Variants in SLCO1A2 observed in about 807,000 individuals in gnomAD.
The protein encoded by SLCO1A2 is solute carrier organic anion transporter family member 1A2.
In SLCO1A2, 67 loss-of-function variants were observed where a neutral mutation model predicts 69.0. The observed-to-expected ratio is 0.97, with a 90% CI of 0.80 to 1.19. The LOEUF (loss-of-function observed/expected upper bound fraction) is 1.19, where lower values mean the gene tolerates loss of function less well. SLCO1A2 is among the 50% of genes most tolerant of loss of function. The pLI is 0.00. For synonymous variants in SLCO1A2, 260 were observed against 265.9 expected (o/e 0.98, Z 0.22); for missense variants, 787 against 793.7 (o/e 0.99, Z 0.10).
chr12:21,335,593 G>A (rs975465377), upstream of SLCO1A2, among the ~76,000 whole-genome samples: 4 of 151,984 alleles, frequency 2.6e-5, no homozygotes, highest in Non-Finnish European at 4.4e-5. Flanking sequence ...CTAGTTTCTA[G>A]AATGATTTCT....
chr12:21,295,701 G>C lies in SLCO1A2; in HGVS notation c.1167C>G (p.His389Gln). 6.2e-7 allele frequency: 1 copy of C among 1,608,270 alleles called. No individual in the cohort carries two copies. Among genetic ancestry groups the C allele is most frequent in the Non-Finnish European group, 8.5e-7 (1 of 1,174,904 alleles). ...KFKITVKQAAHIGCWLSLLEY... is the reference protein window; with the variant it reads ...KFKITVKQAAQIGCWLSLLEY... Reference sequence around the variant, plus strand: ...CAAGTAAGGATAACCAACATCCTATGTGGGCAGCTTGTTTGACAGTAATCT... The same window carrying C: ...CAAGTAAGGATAACCAACATCCTATCTGGGCAGCTTGTTTGACAGTAATCT... Residue 389 changes from histidine (H) to glutamine (Q), a missense_variant, in exon 10 of 15, where the codon CAC (histidine) becomes CAG (glutamine). Transcript: ENST00000683939.
intron 2 of SLCO1A2, among the ~76,000 whole-genome samples, chr12:21,357,125 C>T (rs147712903): frequency 6.6e-6 from 1 of 152,230 alleles, no homozygotes; most frequent in East Asian, 1.9e-4. Flanking sequence ...TGAACTGTGT[C>T]CCTGCAAAAT....
intron 2 of SLCO1A2, chr12:21,373,749 A>G (rs1939979168): frequency 2.9e-6 from 2 of 696,254 alleles, no homozygotes; most frequent in Middle Eastern, 2.3e-4. Flanking sequence ...AATTTCTTCT[A>G]TATTAACCTG....
chr12:21,403,865 C>T (rs1043529091), intron 1 of SLCO1A2, among the ~76,000 whole-genome samples: 9 of 151,966 alleles, frequency 5.9e-5, no homozygotes, highest in African/African-American at 2.2e-4. Context: ...GTGATTAAGG[C>T]ACCTTTAACA....
At chr12:21,347,206 C>A (rs1342327287) in intron 2 of SLCO1A2, among the ~76,000 whole-genome samples, 2 of 152,094 alleles carry the variant, frequency 1.3e-5, no homozygotes, top group African/African-American at 4.8e-5. Context: ...AAGTTCTGGA[C>A]AAAAATGTTG....
chr12:21,362,985 A>G (rs1180687497), intron 2 of SLCO1A2, among the ~76,000 whole-genome samples: 1 of 152,192 alleles, frequency 6.6e-6, no homozygotes, highest in Admixed American at 6.5e-5. Context: ...AGACAGATCA[A>G]CAAGACAGAA....
intron 2 of SLCO1A2, among the ~76,000 whole-genome samples, chr12:21,346,945 G>A (rs1244093861): frequency 6.6e-6 from 1 of 150,842 alleles, no homozygotes; most frequent in African/African-American, 2.4e-5. Flanking sequence ...ACATGACTGA[G>A]TCTATGTTCG....
chr12:21,347,697 G>GAAGGAAGGAAGGAAGGAAGA (rs1239524287), intron 2 of SLCO1A2, among the ~76,000 whole-genome samples: 27 of 117,818 alleles, frequency 2.3e-4, no homozygotes, highest in African/African-American at 1.0e-3. Context: ...AGGAAGGAAG[G>GAAGGAAGGAAGGAAGGAAGA]AAGAAGGAAA....
intron 2 of SLCO1A2, among the ~76,000 whole-genome samples, chr12:21,350,748 A>G (rs887601305): frequency 1.3e-5 from 2 of 148,512 alleles, no homozygotes; most frequent in African/African-American, 5.0e-5. Context: ...GAGGCAGGGG[A>G]ATCACTTGAA....
intron 2 of SLCO1A2, among the ~76,000 whole-genome samples, chr12:21,333,522 T>G (rs978346670): frequency 6.6e-6 from 1 of 152,126 alleles, no homozygotes; most frequent in Non-Finnish European, 1.5e-5. Context: ...AACTTGCTAT[T>G]AAGCAATTGC....
chr12:21,362,879 A>C (rs1404337845), intron 2 of SLCO1A2, among the ~76,000 whole-genome samples: 4 of 152,228 alleles, frequency 2.6e-5, no homozygotes, highest in African/African-American at 7.2e-5. Context: ...ATACAGGAGC[A>C]CCCAGATTCA....
At chr12:21,317,242 C>G (rs1950991737) in intron 3 of SLCO1A2, among the ~76,000 whole-genome samples, 1 of 152,164 alleles carries the variant, frequency 6.6e-6, no homozygotes, top group Non-Finnish European at 1.5e-5. Context: ...ACACAAAGCT[C>G]TCATTAACCC....
upstream of SLCO1A2, chr12:21,334,928 T>C: frequency 3.2e-6 from 1 of 310,982 alleles, no homozygotes; most frequent in Non-Finnish European, 5.8e-6. Flanking sequence ...AGTGACTCTT[T>C]AGTGAGATTA....
At chr12:21,275,276 T>G in intron 13 of SLCO1A2, 84 bp downstream of exon 13, 1 of 1,258,470 alleles carries the variant, frequency 7.9e-7, no homozygotes, top group Non-Finnish European at 1.1e-6. Flanking sequence ...GTTGTGCACA[T>G]GTACCCTAAA....
chr12:21,352,112 T>C (rs933403717), intron 2 of SLCO1A2, among the ~76,000 whole-genome samples: 14 of 152,146 alleles, frequency 9.2e-5, no homozygotes, highest in African/African-American at 1.9e-4. Context: ...AAACACCCAA[T>C]TGCATCACCC....
exon 1 of SLCO1A2, chr12:21,417,978 T>C (rs1382766765): frequency 2.0e-5 from 3 of 152,172 alleles, no homozygotes; most frequent in African/African-American, 7.2e-5. Flanking sequence ...CAACACACCA[T>C]GGGTCTCTAT....
chr12:21,322,234 A>G (rs1020036568), intron 2 of SLCO1A2, among the ~76,000 whole-genome samples: 1 of 152,200 alleles, frequency 6.6e-6, no homozygotes, highest in African/African-American at 2.4e-5. Context: ...GCACTAACAA[A>G]TTTGGGTTGG....
chr12:21,398,444 G>A (rs368191454), upstream of SLCO1A2, among the ~76,000 whole-genome samples: 7,435 of 137,554 alleles, frequency 0.054, 437 homozygotes, highest in African/African-American at 0.098. Flanking sequence ...TCTACCAGAG[G>A]TACAAGGAGG....
rs1943455997 is a variant in SLCO1A2 at position 21,274,590 on chromosome 12, C to T, written c.1676-4G>A. 1 of 1,556,460 alleles carries T rather than the reference C, an allele frequency of 6.4e-7. No homozygotes were observed. The highest frequency in any genetic ancestry group is 8.9e-7 in the Non-Finnish European group (1 of 1,129,240). On this transcript the variant is annotated splice_polypyrimidine_tract_variant and splice_region_variant and intron_variant, in intron 13 of 14. Transcript: ENST00000683939. ...TATATAGGTGCAGGAATGCCAGCTA[C>T]AATTGACAGGGAAAGAAAAATCTAT... is the stretch of plus-strand genomic sequence containing the variant.
Sources: gnomAD v4.1 joint callset for allele counts (sites outside exome capture counted in the v4.1 genomes callset) on GRCh38, gnomAD v4.1.1 for gene constraint, MANE v1.5 for transcripts, NCBI Gene and HGNC (gene_info 2026-07-23, HGNC 2026-07-21) for gene names.